The following PPAN variants were observed in gnomAD, a reference collection of about 807,000 sequenced individuals.
PPAN encodes suppressor of SWI4 1 homolog.
PPAN carries 39 observed loss-of-function variants against 48.5 expected under a neutral mutation model. The observed-to-expected ratio is 0.80, with a 90% CI of 0.62 to 1.05. The LOEUF (loss-of-function observed/expected upper bound fraction) is 1.05, where lower values mean the gene tolerates loss of function less well. Among genes scored for constraint, PPAN ranks in the 50% least tolerant of loss-of-function variants. The probability of loss-of-function intolerance (pLI) is 0.00; values close to 1 mark genes in which losing one functional copy is unlikely to be tolerated. For synonymous variants in PPAN, 315 were observed against 268.6 expected (o/e 1.17, Z -1.69); for missense variants, 736 against 661.7 (o/e 1.11, Z -1.23).
At chr19:10,108,572 G>A (rs1390010323) in intron 5 of PPAN, among the ~76,000 whole-genome samples, 1 of 151,950 alleles carries the variant, frequency 6.6e-6, no homozygotes, top group East Asian at 1.9e-4. Context: ...AACATAGCGA[G>A]ACCCCATGTC....
At chr19:10,107,195 A>G (rs1401426554) in intron 2 of PPAN, among the ~76,000 whole-genome samples, 2 of 152,172 alleles carry the variant, frequency 1.3e-5, no homozygotes, top group African/African-American at 2.4e-5. Context: ...AGAAAAAAAA[A>G]GACTAGAATC....
At chr19:10,107,436 A>G (rs2088867761) in intron 2 of PPAN, 69 bp from the exon 3 acceptor site, 2 of 1,536,838 alleles carry the variant, frequency 1.3e-6, no homozygotes, top group Non-Finnish European at 1.8e-6. Flanking sequence ...CAGGATCTGC[A>G]CCGTCAGCTT....
At chr19:10,106,694 G>A (rs574092451) in intron 2 of PPAN, 23 bp downstream of exon 2, 534 of 1,315,592 alleles carry the variant, frequency 4.1e-4, no homozygotes, top group Non-Finnish European at 5.4e-4. Context: ...CCCCCAGCCC[G>A]CCTCCACCCA....
chr19:10,107,373 T>A, intron 2 of PPAN, 132 bp from the exon 3 acceptor site: 1 of 873,686 alleles, frequency 1.1e-6, no homozygotes. Flanking sequence ...AAGGCTAAGA[T>A]CCTTTTGCTC....
At position 10,107,999 on chromosome 19, in the gene PPAN, C is replaced by T. The variant is rs766334976; in HGVS notation, c.378C>T (p.Arg126=). ...SLVRDVVSSL[R]RHRMHEQQFA... is the part of the protein sequence containing the mutation. ...TGCGTGATGTGGTCTCCTCACTGCG[C>T]CGGCACCGCATGCACGAGCAGCAGT... Residue 126 remains arginine (R), a synonymous_variant, in exon 5 of 12, where the codon CGC becomes CGT. Coordinates refer to ENST00000253107, the MANE Select transcript of PPAN (RefSeq NM_020230.7). 21 of 1,611,194 alleles carry T rather than the reference C, an allele frequency of 1.3e-5. No homozygotes were observed. In the East Asian group the frequency reaches 1.3e-4, roughly 10 times the overall value.
chr19:10,109,893 G>A lies in PPAN; in HGVS notation c.591-20G>A, dbSNP rs200782523. Reference sequence around the variant, plus strand: ...CGTGCCCCCTGACCACCCCCTTGCCGTCCACTCATGTTCCTGCAGTAGCAT... The same window carrying A: ...CGTGCCCCCTGACCACCCCCTTGCCATCCACTCATGTTCCTGCAGTAGCAT... On this transcript the variant is annotated intron_variant, in intron 6 of 11. Coordinates refer to ENST00000253107, the MANE Select transcript of PPAN (RefSeq NM_020230.7). 1.9e-4 allele frequency: 314 copies of A among 1,612,784 alleles called. 2 individuals are homozygous for A. The highest frequency in any genetic ancestry group is 1.6e-3 in the Admixed American group (96 of 60,008).
At chr19:10,107,384 C>A in intron 2 of PPAN, 121 bp from the exon 3 acceptor site, 1 of 1,038,882 alleles carries the variant, frequency 9.6e-7, no homozygotes, top group Non-Finnish European at 1.4e-6. Context: ...CCTTTTGCTC[C>A]TCTGGGCTTG....
intron 5 of PPAN, among the ~76,000 whole-genome samples, chr19:10,108,930 A>G (rs2088941304): frequency 6.6e-6 from 1 of 151,768 alleles, no homozygotes; most frequent in South Asian, 2.1e-4. Context: ...CAGGGAGGCT[A>G]ATACGGCTCT....
chr19:10,111,908 G>C lies in PPAN; in HGVS notation c.*743G>C, dbSNP rs1432573203. ...GGGTGGAACACGAGGTCAGGGGTTC[G>C]AGACCACCCTGACCAACAAGGAGAA... On this transcript the variant is annotated 3_prime_UTR_variant, in exon 12 of 12. Transcript: ENST00000253107. 1.3e-5 allele frequency among the ~76,000 whole-genome samples: 2 copies of C among 152,034 alleles called. No homozygotes were observed. The highest frequency in any genetic ancestry group is 2.9e-5 in the Non-Finnish European group (2 of 67,998).
Position 10,111,232 on chromosome 19 carries a change from G to T in PPAN, c.*67G>T, listed in dbSNP as rs761402121. 1.4e-6 allele frequency: 2 copies of T among 1,433,870 alleles called. No individual in the cohort carries two copies. Among genetic ancestry groups the T allele is most frequent in the Non-Finnish European group, 1.8e-6 (2 of 1,087,746 alleles). The allele number at this position is 1,433,870 out of a possible 1,614,324, so 88.8% of individuals were successfully genotyped here. A position where few individuals can be genotyped will look rare whatever the true frequency, so the allele number is the denominator to read the frequency against. On this transcript the variant is annotated 3_prime_UTR_variant, in exon 12 of 12. Transcript: ENST00000253107. ...GATTGGGGCCCGAGATGTGGCCCTCGGTTTCCTTTCATAAAGGAGTTGTGT... is the reference window on the plus strand; with the variant it reads ...GATTGGGGCCCGAGATGTGGCCCTCTGTTTCCTTTCATAAAGGAGTTGTGT...
chr19:10,111,644 GC>G lies in PPAN; in HGVS notation c.*482del. ...TAACTGGGGATGGGGCTGGGGCAGG[GC>G]CCACTAAGCCACTGGTGACTGGGGG... On this transcript the variant is annotated 3_prime_UTR_variant, in exon 12 of 12. Transcript: ENST00000253107. The G allele has an allele frequency of 6.3e-7, 1 of 1,576,830 alleles. No homozygotes were observed. Among genetic ancestry groups the G allele is most frequent in the East Asian group, 2.2e-5 (1 of 44,708 alleles).
chr19:10,110,229 G>C lies in PPAN; in HGVS notation c.805G>C (p.Ala269Pro). 6.2e-7 allele frequency: 1 copy of C among 1,611,500 alleles called. No homozygotes were observed. Among genetic ancestry groups the C allele is most frequent in the Non-Finnish European group, 8.5e-7 (1 of 1,179,752 alleles). The stretch of plus-strand genomic sequence containing the variant: ...TGGCAACATGCGGGCCCAGCAGAGT[G>C]CAGTGCGGCTCACCGAGGTGAGGCC... ...GRGNMRAQQS[A>P]VRLTEIGPRM... Residue 269 changes from alanine to proline, a missense_variant, in exon 8 of 12, where the codon GCA becomes CCA. Coordinates refer to ENST00000253107, the MANE Select transcript of PPAN (RefSeq NM_020230.7). The surrounding 1 kb of genome is among the most constrained non-coding windows in gnomAD (Gnocchi z 5.9).
rs138287526 is a variant in PPAN, at chr19:10,110,272, C to T, written c.822+26C>T. The T allele has an allele frequency of 7.1e-4, 1,139 of 1,612,340 alleles. 8 individuals carry two copies. In the African/African-American group the frequency reaches 0.012, roughly 18 times the overall value. On this transcript the variant is annotated intron_variant, in intron 8 of 11. Coordinates refer to ENST00000253107, the MANE Select transcript of PPAN (RefSeq NM_020230.7). This position sits in a 1 kb window ranked among gnomAD's most constrained non-coding sequence, Gnocchi z 5.9. ...GTGAGGCCCAGGGCAGGGGGACCCC[C>T]GGGCTCCACCAGTCCCAACGGTGGG... is the stretch of plus-strand genomic sequence containing the variant.
chr19:10,107,945 C>T lies in PPAN; in HGVS notation c.343-19C>T, dbSNP rs113903089. ...CATGTGTGGTTGGTGGTCACCCCCT[C>T]CTCTCTCCTGTCCTACAGTACTCGC... On this transcript the variant is annotated intron_variant, in intron 4 of 11. Transcript: ENST00000253107. 349 of 1,598,878 alleles carry T rather than the reference C, an allele frequency of 2.2e-4. No homozygotes were observed. The African/African-American group carries it at 3.7e-3, about 17-fold the overall frequency.
Position 10,110,466 on chromosome 19 carries a change from C to T in PPAN, c.902-19C>T, listed in dbSNP as rs1300961184. 3 of 1,612,438 alleles carry T rather than the reference C, an allele frequency of 1.9e-6. No individual in the cohort carries two copies. The highest frequency in any genetic ancestry group is 3.3e-5 in the Admixed American group (2 of 59,990). ...TGGAGCTGCACCCGGATCTTGGTGA[C>T]CCGCGTCTCTTGGCTCAGTGAGCAA... On this transcript the variant is annotated intron_variant, in intron 9 of 11. Coordinates refer to ENST00000253107, the MANE Select transcript of PPAN (RefSeq NM_020230.7). The surrounding 1 kb of genome is among the most constrained non-coding windows in gnomAD (Gnocchi z 5.9).
chr19:10,111,110 C>T lies in PPAN; in HGVS notation c.1367C>T (p.Ser456Phe), dbSNP rs1390953161. 1.2e-6 allele frequency: 2 copies of T among 1,610,264 alleles called. No homozygotes were observed. Among genetic ancestry groups the T allele is most frequent in the Non-Finnish European group, 1.7e-6 (2 of 1,178,580 alleles). Residue 456 changes from serine to phenylalanine, a missense_variant, in exon 12 of 12, where the codon TCC (serine) becomes TTC (phenylalanine). Ser to Phe is a radical substitution (Grantham distance 155, BLOSUM62 -2). Transcript: ENST00000253107. Reference protein sequence around the residue: ...AQARRGPRGASRDGGRGRGRG... With the variant: ...AQARRGPRGAFRDGGRGRGRG... ...GCCAGGCGGGGGCCCAGAGGGGCTT[C>T]CCGGGATGGTGGGCGAGGCCGGGGC...
rs373914732 is a variant in PPAN, at chr19:10,110,900, G to A, written c.1201+34G>A. The A allele has an allele frequency of 3.1e-6, 5 of 1,613,154 alleles. No individual in the cohort carries two copies. The African/African-American group carries it at 5.3e-5, about 17-fold the overall frequency. Reference sequence around the variant, plus strand: ...TGGGGTCTGCAGCAGGGCACCCAGAGCCTGTCCTTGTCTCTGGGGGCCCTG... The same window carrying A: ...TGGGGTCTGCAGCAGGGCACCCAGAACCTGTCCTTGTCTCTGGGGGCCCTG... On this transcript the variant is annotated intron_variant, in intron 11 of 11. Transcript: ENST00000253107. The surrounding 1 kb of genome is among the most constrained non-coding windows in gnomAD (Gnocchi z 5.9).
Position 10,110,135 on chromosome 19 carries a change from G to T in PPAN, c.711G>T (p.Leu237=). 6.2e-7 allele frequency: 1 copy of T among 1,610,570 alleles called. No homozygotes were observed. The highest frequency in any genetic ancestry group is 8.5e-7 in the Non-Finnish European group (1 of 1,179,926). ...GTCCTACACACAGGGGCGCGGGGCT[G>T]TCGGAGAGCGAGGCAGAGCCTGACG... ...ISELLATGAG[L]SESEAEPDGD... The change falls in exon 8 of 12, where the codon CTG becomes CTT. Residue 237 remains leucine, a synonymous_variant. Transcript: ENST00000253107. This position sits in a 1 kb window ranked among gnomAD's most constrained non-coding sequence, Gnocchi z 5.9.
In PPAN at chr19:10,110,327, G is replaced by A. The variant is rs557947734; in HGVS notation, c.826G>A (p.Gly276Ser). The A allele has an allele frequency of 1.5e-5, 24 of 1,613,724 alleles. No individual in the cohort carries two copies. Among genetic ancestry groups the A allele is most frequent in the East Asian group, 2.2e-5 (1 of 44,864 alleles). ...CGCTTCTTCCTCGTCCCCTCAGATC[G>A]GCCCGCGGATGACACTGCAGCTCAT... ...QQSAVRLTEI[G>S]PRMTLQLIKV... The change falls in exon 9 of 12, where the codon GGC becomes AGC. Residue 276 changes from glycine to serine, a missense_variant. Coordinates refer to ENST00000253107, the MANE Select transcript of PPAN (RefSeq NM_020230.7). This position sits in a 1 kb window ranked among gnomAD's most constrained non-coding sequence, Gnocchi z 5.9.
Sources: gnomAD v4.1 joint callset for allele counts (sites outside exome capture counted in the v4.1 genomes callset) on GRCh38, gnomAD v4.1.1 for gene constraint, Gnocchi (gnomAD v3.1) non-coding constraint, MANE v1.5 for transcripts, NCBI Gene and HGNC (gene_info 2026-07-23, HGNC 2026-07-21) for gene names.